Variants in SPANXN4 observed in about 807,000 individuals in gnomAD.
SPANXN4 encodes the protein SPANX family member N4, also known as sperm protein associated with the nucleus on the X chromosome N4.
In SPANXN4, 5 loss-of-function variants were observed where a neutral mutation model predicts 6.0. That is an observed-to-expected ratio of 0.83 (90% CI 0.44 to 1.75). The LOEUF (loss-of-function observed/expected upper bound fraction) is 1.75, where lower values mean the gene tolerates loss of function less well. Among genes scored for constraint, SPANXN4 ranks in the 40% most tolerant of loss-of-function variants. The probability of loss-of-function intolerance (pLI) is 0.02; values close to 1 mark genes in which losing one functional copy is unlikely to be tolerated. For missense variants in SPANXN4, 157 were observed against 108.6 expected (o/e 1.45, Z -1.98); for synonymous variants, 45 against 38.0 (o/e 1.19, Z -0.68).
intron 1 of SPANXN4, among the ~76,000 whole-genome samples, chrX:143,027,987 G>A (rs1275569985): frequency 9.0e-6 from 1 of 111,460 alleles, no homozygotes; most frequent in Non-Finnish European, 1.9e-5. Flanking sequence ...AATAAAGTAG[G>A]AGATAAAAGA....
intron 1 of SPANXN4, 29 bp from the exon 2 acceptor site, chrX:143,033,996 A>C: frequency 8.8e-7 from 1 of 1,138,161 alleles, no homozygotes; most frequent in Non-Finnish European, 1.2e-6. Flanking sequence ...AAATAACACC[A>C]TTCTGGCCTC....
rs914797050 is a variant in SPANXN4 at position 143,034,413 on chromosome X, C to T, written c.284-96C>T. The T allele has an allele frequency of 1.9e-5, 20 of 1,079,368 alleles. No individual in the cohort carries two copies. In the South Asian group the frequency reaches 2.4e-4, roughly 13 times the overall value. 89.0% of individuals were successfully genotyped at this position (1,079,368 alleles called of 1,213,427 possible). On this transcript the variant is annotated intron_variant, in intron 2 of 2. Transcript: ENST00000370504. Reference sequence around the variant, plus strand: ...GGGATATGAGATCCTGTAGCATTGGCGGACAGATCCACAGGTTAGCCAGAC... The same window carrying T: ...GGGATATGAGATCCTGTAGCATTGGTGGACAGATCCACAGGTTAGCCAGAC...
At chrX:143,030,659 C>A (rs1288524457) in intron 1 of SPANXN4, among the ~76,000 whole-genome samples, 1 of 110,428 alleles carries the variant, frequency 9.1e-6, no homozygotes, top group Admixed American at 9.6e-5. Flanking sequence ...CTTTTAGATC[C>A]AATTCAGAGA....
At chrX:143,034,703 T>C, downstream of SPANXN4, 1 of 1,131,862 alleles carries the variant, frequency 8.8e-7, no homozygotes, top group Non-Finnish European at 1.2e-6. Flanking sequence ...CTGAAGGTCC[T>C]CAAAAGGAAC....
exon 3 of SPANXN4, chrX:143,034,618 G>A (rs923934751): frequency 2.3e-5 from 27 of 1,165,863 alleles, no homozygotes; most frequent in Non-Finnish European, 3.1e-5. Flanking sequence ...CCAAAATGAA[G>A]ACATCAGAAT....
chrX:143,034,861 T>C (rs187473576), downstream of SPANXN4, among the ~76,000 whole-genome samples: 61 of 110,605 alleles, frequency 5.5e-4, no homozygotes, highest in African/African-American at 1.9e-3. Context: ...GGGAGTGGCC[T>C]GTGTCTACTG....
chrX:143,032,548 G>C (rs1047472934), intron 1 of SPANXN4, among the ~76,000 whole-genome samples: 2 of 110,545 alleles, frequency 1.8e-5, no homozygotes, highest in African/African-American at 6.6e-5. Context: ...GCATTTTTGC[G>C]GGTTTTTCAT....
intron 1 of SPANXN4, among the ~76,000 whole-genome samples, chrX:143,032,887 C>T (rs775586788): frequency 2.7e-5 from 3 of 111,083 alleles, no homozygotes. Context: ...GGAGAATGGA[C>T]GTAGGAGAGC....
At chrX:143,026,124 G>T in intron 1 of SPANXN4, 32 bp downstream of exon 1, 1 of 1,163,605 alleles carries the variant, frequency 8.6e-7, no homozygotes, top group Non-Finnish European at 1.2e-6. Context: ...GGGAAGGTGA[G>T]GGTGAAAGAA....
intron 1 of SPANXN4, among the ~76,000 whole-genome samples, chrX:143,027,705 GACAA>G (rs1186704484): frequency 9.0e-6 from 1 of 110,970 alleles, no homozygotes; most frequent in Non-Finnish European, 1.9e-5. Context: ...GATTTGTGTG[GACAA>G]ACAAATTTAA....
chrX:143,034,038 T>G (rs377746913), exon 2 of SPANXN4: 44 of 1,171,665 alleles, frequency 3.8e-5, no homozygotes, highest in Non-Finnish European at 5.0e-5. Context: ...AAGAAGAATC[T>G]GCACAGAGCC....
At chrX:143,034,791 T>A (rs1012363909), downstream of SPANXN4, 8 of 1,005,151 alleles carry the variant, frequency 8.0e-6, no homozygotes, top group Non-Finnish European at 1.0e-5. Context: ...ATGCTTCCAA[T>A]ACTAGGGCGC....
At chrX:143,029,860 T>G (rs189742508) in intron 1 of SPANXN4, among the ~76,000 whole-genome samples, 1 of 110,538 alleles carries the variant, frequency 9.0e-6, no homozygotes, top group Non-Finnish European at 1.9e-5. Flanking sequence ...CACCCAAGAT[T>G]TTTAGTCAGA....
chrX:143,033,299 C>T (rs1932821806), intron 1 of SPANXN4, among the ~76,000 whole-genome samples: 2 of 111,388 alleles, frequency 1.8e-5, no homozygotes, highest in South Asian at 7.7e-4. Context: ...TGGAAGCAGG[C>T]TCAGGTCTAG....
At chrX:143,035,765 T>C (rs1932840774), downstream of SPANXN4, among the ~76,000 whole-genome samples, 1 of 110,171 alleles carries the variant, frequency 9.1e-6, no homozygotes, top group Admixed American at 9.8e-5. Context: ...CATACCTCTC[T>C]TCTCACTTTT....
chrX:143,036,332 G>A (rs16993949), downstream of SPANXN4, among the ~76,000 whole-genome samples: 898 of 110,623 alleles, frequency 8.1e-3, 10 homozygotes, highest in African/African-American at 0.028. Context: ...TCCTCACACC[G>A]AATCTCACAG....
rs758788318 is a variant in SPANXN4, at chrX:143,034,239, A to G, written c.283+7A>G. 1.5e-5 allele frequency: 17 copies of G among 1,163,612 alleles called. No individual in the cohort carries two copies. The South Asian group carries it at 3.1e-4, about 21-fold the overall frequency. On this transcript the variant is annotated splice_region_variant and intron_variant, in intron 2 of 2. Transcript: ENST00000370504. ...GCAGGATCTCCACAGGATGGTGGGC[A>G]GAATTAGTCCAAATTGGACAAATCA...
At chrX:143,030,259 G>A (rs1165096972) in intron 1 of SPANXN4, among the ~76,000 whole-genome samples, 3 of 110,852 alleles carry the variant, frequency 2.7e-5, no homozygotes, top group African/African-American at 9.9e-5. Flanking sequence ...TCATTTTGTT[G>A]GGTTGGGATG....
intron 1 of SPANXN4, 107 bp from the exon 2 acceptor site, chrX:143,033,918 C>T (rs1389022434): frequency 2.8e-6 from 2 of 722,471 alleles, no homozygotes; most frequent in South Asian, 5.7e-5. Flanking sequence ...TGGCACAAGC[C>T]CCTTCCTCAA....
Sources: gnomAD v4.1 joint callset for allele counts (sites outside exome capture counted in the v4.1 genomes callset) on GRCh38, gnomAD v4.1.1 for gene constraint, MANE v1.5 for transcripts, NCBI Gene and HGNC (gene_info 2026-07-23, HGNC 2026-07-21) for gene names.